SAMD12: variants seen among roughly 807,000 people sequenced by gnomAD.
SAMD12 encodes sterile alpha motif domain containing 12, also known as sterile alpha motif domain-containing protein 12.
In SAMD12, 9 loss-of-function variants were observed where a neutral mutation model predicts 15.0. The observed-to-expected ratio is 0.60, with a 90% confidence interval of 0.36 to 1.05. The LOEUF is 1.05. Among genes scored for constraint, SAMD12 ranks in the 50% least tolerant of loss-of-function variants. SAMD12 has a pLI of 0.01. For synonymous variants in SAMD12, 86 were observed against 90.1 expected, an observed-to-expected ratio of 0.96 and a Z score of 0.25; for missense variants, 230 against 234.2, an observed-to-expected ratio of 0.98 and a Z score of 0.12.
chr8:118,382,239 A>G (rs1181559200), intron 3 of SAMD12, among the ~76,000 whole-genome samples: 2 of 152,126 alleles, frequency 1.3e-5, no homozygotes, highest in Non-Finnish European at 2.9e-5. Context: ...TTCTGTTCCC[A>G]ATTATTTGGG....
intron 4 of SAMD12, among the ~76,000 whole-genome samples, chr8:118,297,530 C>A (rs1161068019): frequency 2.6e-5 from 4 of 152,008 alleles, no homozygotes; most frequent in Admixed American, 2.6e-4. Flanking sequence ...TATATATATG[C>A]CAGCAAATAA....
chr8:118,418,590 G>A (rs1821834993), intron 3 of SAMD12, among the ~76,000 whole-genome samples: 1 of 152,164 alleles, frequency 6.6e-6, no homozygotes, highest in Admixed American at 6.5e-5. Context: ...GTGGTGGCGG[G>A]CGCCTGTGGT....
chr8:118,263,506 A>T (rs1015685838), intron 4 of SAMD12, among the ~76,000 whole-genome samples: 1 of 152,066 alleles, frequency 6.6e-6, no homozygotes, highest in African/African-American at 2.4e-5. Flanking sequence ...TGTACCCCAG[A>T]AAAAAATCTA....
chr8:118,303,800 A>G (rs1295093687), intron 4 of SAMD12, among the ~76,000 whole-genome samples: 1 of 152,192 alleles, frequency 6.6e-6, no homozygotes, highest in Non-Finnish European at 1.5e-5. Flanking sequence ...CTCTTGAGCC[A>G]GCAAAGGAAG....
chr8:118,561,052 C>T (rs1382178415), intron 2 of SAMD12, among the ~76,000 whole-genome samples: 2 of 152,084 alleles, frequency 1.3e-5, no homozygotes, highest in African/African-American at 2.4e-5. Flanking sequence ...AATACTCACA[C>T]TATACTAATT....
chr8:118,213,668 C>T (rs1811891831), intron 4 of SAMD12, among the ~76,000 whole-genome samples: 1 of 152,140 alleles, frequency 6.6e-6, no homozygotes, highest in African/African-American at 2.4e-5. Flanking sequence ...AAATTCACTA[C>T]CCTGTTAATT....
At chr8:118,487,440 T>C (rs914474701) in intron 2 of SAMD12, among the ~76,000 whole-genome samples, 3 of 152,022 alleles carry the variant, frequency 2.0e-5, no homozygotes, top group African/African-American at 4.8e-5. Flanking sequence ...TATTTCAGAG[T>C]TCCCCTAGTC....
intron 2 of SAMD12, among the ~76,000 whole-genome samples, chr8:118,528,351 G>A (rs1003757120): frequency 1.3e-5 from 2 of 152,110 alleles, no homozygotes; most frequent in Non-Finnish European, 2.9e-5. Flanking sequence ...CTTGTATCAT[G>A]TTTTGTGATT....
At chr8:118,328,227 T>C (rs1816651144) in intron 4 of SAMD12, among the ~76,000 whole-genome samples, 1 of 152,176 alleles carries the variant, frequency 6.6e-6, no homozygotes, top group East Asian at 1.9e-4. Context: ...ACAAATTTTA[T>C]TGCTTCCCAT....
downstream of SAMD12, among the ~76,000 whole-genome samples, chr8:118,373,238 G>A (rs1449790256): frequency 6.6e-6 from 1 of 152,132 alleles, no homozygotes; most frequent in Non-Finnish European, 1.5e-5. Context: ...TCTCAGTTAT[G>A]CCACTAACTA....
intron 1 of SAMD12, among the ~76,000 whole-genome samples, chr8:118,584,216 G>C (rs1005701901): frequency 2.6e-5 from 4 of 152,154 alleles, no homozygotes; most frequent in Admixed American, 1.3e-4. Context: ...GTTGATTTAG[G>C]TTTTTGTACT....
chr8:118,149,208 C>T, the SAMD12 span, among the ~76,000 whole-genome samples: 6 of 152,322 alleles, frequency 3.9e-5, no homozygotes, highest in East Asian at 1.2e-3. Flanking sequence ...CTCAATCAAT[C>T]CTCCCACATA....
chr8:118,596,375 C>T (rs1827724873), intron 1 of SAMD12, among the ~76,000 whole-genome samples: 1 of 152,182 alleles, frequency 6.6e-6, no homozygotes, highest in South Asian at 2.1e-4. Flanking sequence ...CTCCAAGTAG[C>T]AGAGGCAGGA....
At chr8:118,426,193 T>C (rs1188491517) in intron 3 of SAMD12, among the ~76,000 whole-genome samples, 2 of 152,238 alleles carry the variant, frequency 1.3e-5, no homozygotes, top group African/African-American at 4.8e-5. Context: ...GTAATATTTC[T>C]TGATGTCCTT....
rs114952699 is a variant in SAMD12 at position 118,451,379 on chromosome 8, C to T, written c.193-11418G>A. Among the ~76,000 whole-genome samples the T allele has an allele frequency of 4.6e-3, 700 of 152,262 alleles. 7 individuals carry two copies. The highest frequency in any genetic ancestry group is 0.015 in the African/African-American group (626 of 41,530). On this transcript the variant is annotated intron_variant, in intron 2 of 3. Coordinates refer to ENST00000314727, the MANE Select transcript of SAMD12 (RefSeq NM_207506.3). ...GCCAAAGGCAGAGCTGGGTTCAGGA[C>T]CAGCCACATGACTCCAACTCAAGGG...
At chr8:118,409,598 G>A (rs1586681669) in intron 3 of SAMD12, among the ~76,000 whole-genome samples, 1 of 152,024 alleles carries the variant, frequency 6.6e-6, no homozygotes, top group Admixed American at 6.5e-5. Flanking sequence ...GGAAGGTCAG[G>A]ATGTATAAAG....
chr8:118,517,511 G>A (rs1825276250), intron 2 of SAMD12, among the ~76,000 whole-genome samples: 1 of 152,148 alleles, frequency 6.6e-6, no homozygotes, highest in Admixed American at 6.5e-5. Flanking sequence ...TGGAAGGGAA[G>A]TATATCACAT....
At chr8:118,554,799 C>T (rs1428332076) in intron 2 of SAMD12, among the ~76,000 whole-genome samples, 1 of 152,150 alleles carries the variant, frequency 6.6e-6, no homozygotes, top group Admixed American at 6.5e-5. Context: ...AGACAAGTTT[C>T]CCAAAGAAAG....
chr8:118,337,996 A>T (rs1008188994), intron 4 of SAMD12, among the ~76,000 whole-genome samples: 1 of 152,242 alleles, frequency 6.6e-6, no homozygotes, highest in Non-Finnish European at 1.5e-5. Flanking sequence ...GACTTCCACC[A>T]GGGGTCTTGG....
Sources: gnomAD v4.1 joint callset for allele counts (sites outside exome capture counted in the v4.1 genomes callset) on GRCh38, gnomAD v4.1.1 for gene constraint, MANE v1.5 for transcripts, NCBI Gene and HGNC (gene_info 2026-07-23, HGNC 2026-07-21) for gene names.